RHCE: variants seen among roughly 807,000 people sequenced by gnomAD.
RHCE encodes blood group Rh(CE) polypeptide.
RHCE carries 22 observed loss-of-function variants against 43.8 expected under a neutral mutation model. That is an observed-to-expected ratio of 0.50 (90% CI 0.36 to 0.72). RHCE has a LOEUF of 0.72. Among genes scored for constraint, RHCE ranks in the 30% least tolerant of loss-of-function variants. The pLI is 0.00. For missense variants in RHCE, 385 were observed against 525.4 expected, an observed-to-expected ratio of 0.73 and a Z score of 2.61; for synonymous variants, 156 against 210.7, an observed-to-expected ratio of 0.74 and a Z score of 2.25.
intron 9 of RHCE, among the ~76,000 whole-genome samples, chr1:25,369,730 A>ATTTT (rs3080376): frequency 0.016 from 1,537 of 95,426 alleles, 51 homozygotes; most frequent in Non-Finnish European, 0.019. Context: ...CACTGTAAGA[A>ATTTT]TTTTTTTTTT....
chr1:25,394,097 T>G (rs1289988540), intron 3 of RHCE, among the ~76,000 whole-genome samples: 2 of 152,174 alleles, frequency 1.3e-5, no homozygotes, highest in Non-Finnish European at 2.9e-5. Flanking sequence ...CAAGCGATTC[T>G]CCTGCTTCAG....
At chr1:25,404,112 C>G (rs1323358913) in intron 2 of RHCE, among the ~76,000 whole-genome samples, 7 of 148,464 alleles carry the variant, frequency 4.7e-5, no homozygotes, top group African/African-American at 7.5e-5. Flanking sequence ...AGGTTGCAGT[C>G]AGCCGAGATT....
intron 7 of RHCE, among the ~76,000 whole-genome samples, chr1:25,383,240 G>A (rs972713147): frequency 2.6e-5 from 4 of 152,156 alleles, no homozygotes; most frequent in East Asian, 1.9e-4. Flanking sequence ...CTCCATCCTG[G>A]CTCTGATCAC....
chr1:25,426,371 A>T (rs532729317), intron 2 of RHCE, among the ~76,000 whole-genome samples: 115 of 152,318 alleles, frequency 7.5e-4, no homozygotes, highest in African/African-American at 2.7e-3. Flanking sequence ...TGCTATTTTC[A>T]TGAACTCTAT....
In RHCE at chr1:25,402,678, T is replaced by C. The variant is rs200244860; in HGVS notation, c.404A>G (p.Asn135Ser). 1.8e-5 allele frequency: 29 copies of C among 1,614,008 alleles called. No homozygotes were observed. In the East Asian group the frequency reaches 4.9e-4, roughly 27 times the overall value. ...CACCATCACCACCAACTGCGCCAAG[T>C]TGACCTTCCCCAAGACAGCACCCGC... is the stretch of plus-strand genomic sequence containing the variant. ...ISAGAVLGKV[N>S]LAQLVVMVLV... The change falls in exon 3 of 10, where the codon AAC becomes AGC. Residue 135 changes from asparagine to serine, a missense_variant. Coordinates refer to ENST00000294413, the MANE Select transcript of RHCE (RefSeq NM_020485.8).
At chr1:25,379,262 A>G (rs1645882555) in intron 7 of RHCE, among the ~76,000 whole-genome samples, 1 of 151,044 alleles carries the variant, frequency 6.6e-6, no homozygotes, top group African/African-American at 2.4e-5. Context: ...TAGGGGCCCC[A>G]CCCTGATGAC....
intron 7 of RHCE, among the ~76,000 whole-genome samples, chr1:25,380,524 G>C (rs945829817): frequency 1.3e-5 from 2 of 152,192 alleles, no homozygotes; most frequent in African/African-American, 2.4e-5. Flanking sequence ...CTCTGGGGTG[G>C]CCGTTCACAG....
At chr1:25,385,434 G>A in intron 7 of RHCE, 1 of 503,374 alleles carries the variant, frequency 2.0e-6, no homozygotes, top group Non-Finnish European at 3.7e-6. Flanking sequence ...GGGCCTATTT[G>A]ACCTGCTCTG....
intron 7 of RHCE, among the ~76,000 whole-genome samples, chr1:25,383,863 T>C (rs956673660): frequency 6.5e-4 from 99 of 152,324 alleles, no homozygotes; most frequent in Middle Eastern, 3.4e-3. Context: ...CTCAGTCATG[T>C]GGGAAGCGTT....
At chr1:25,379,481 ATATATATATATATATTTTTTTTT>A (rs1395897087) in intron 7 of RHCE, among the ~76,000 whole-genome samples, 188 of 17,838 alleles carry the variant, frequency 0.011, no homozygotes, top group African/African-American at 0.04. Context: ...ATATATATAT[ATATATATATATATATTTTTTTTT>A]TTTTTTTTTT....
chr1:25,372,592 T>C (rs1645645542), intron 8 of RHCE, among the ~76,000 whole-genome samples: 1 of 151,720 alleles, frequency 6.6e-6, no homozygotes, highest in South Asian at 2.1e-4. Context: ...TGGTGTACTT[T>C]ACCTCTAGAA....
At chr1:25,412,740 AAAG>A (rs1647131935) in intron 1 of RHCE, among the ~76,000 whole-genome samples, 1 of 146,946 alleles carries the variant, frequency 6.8e-6, no homozygotes, top group Admixed American at 6.7e-5. Flanking sequence ...AAAAAAAAAA[AAAG>A]GCCGGGCACA....
At chr1:25,427,780 G>T (rs1177798516) in intron 2 of RHCE, among the ~76,000 whole-genome samples, 1 of 152,216 alleles carries the variant, frequency 6.6e-6, no homozygotes, top group Admixed American at 6.5e-5. Context: ...CCTATTATGT[G>T]ACCTTGTTTC....
intron 1 of RHCE, among the ~76,000 whole-genome samples, chr1:25,417,380 G>A (rs954563218): frequency 1.3e-5 from 2 of 152,058 alleles, no homozygotes; most frequent in Non-Finnish European, 2.9e-5. Flanking sequence ...ATGAAGTAAT[G>A]GCTTAACCAA....
upstream of RHCE, among the ~76,000 whole-genome samples, chr1:25,424,961 C>A (rs551403667): frequency 6.6e-6 from 1 of 152,010 alleles, no homozygotes; most frequent in Non-Finnish European, 1.5e-5. Flanking sequence ...GGACTACAGG[C>A]ATGAGCCACC....
rs1174493987 is a variant in RHCE, at chr1:25,406,704, C to T, written c.335+1979G>A. 1.7e-5 allele frequency among the ~76,000 whole-genome samples: 2 copies of T among 114,532 alleles called. 1 individual carries two copies. The highest frequency in any genetic ancestry group is 1.9e-4 in the Admixed American group (2 of 10,262). 75.1% of individuals were successfully genotyped at this position (114,532 alleles called of 152,430 possible). On this transcript the variant is annotated intron_variant, in intron 2 of 9. Transcript: ENST00000294413. ...GCAGTGGCACGATCTCGGCTCACTG[C>T]AAACTCCGCCTCCAAGGTTCACGCC... is the stretch of plus-strand genomic sequence containing the variant.
chr1:25,420,924 T>C (rs2042752027), upstream of RHCE: 3 of 1,544,878 alleles, frequency 1.9e-6, no homozygotes, highest in Non-Finnish European at 2.6e-6. Flanking sequence ...CTGGCTGTGC[T>C]GGCCTGTCTA....
intron 6 of RHCE, among the ~76,000 whole-genome samples, chr1:25,388,653 G>A (rs181346341): frequency 1.3e-5 from 2 of 152,326 alleles, no homozygotes; most frequent in East Asian, 3.9e-4. Context: ...TTCAGGAAAA[G>A]CAAAGAAAGA....
chr1:25,422,283 C>G (rs1346234926), upstream of RHCE, among the ~76,000 whole-genome samples: 8 of 152,104 alleles, frequency 5.3e-5, no homozygotes, highest in Non-Finnish European at 8.8e-5. Context: ...TGAACATATG[C>G]AGGAAAAGCA....
Sources: gnomAD v4.1 joint callset for allele counts (sites outside exome capture counted in the v4.1 genomes callset) on GRCh38, gnomAD v4.1.1 for gene constraint, MANE v1.5 for transcripts, NCBI Gene and HGNC (gene_info 2026-07-23, HGNC 2026-07-21) for gene names.